CNTNAP5: variants seen among roughly 807,000 people sequenced by gnomAD.
The protein encoded by CNTNAP5 is contactin-associated protein-like 5.
CNTNAP5 carries 72 observed loss-of-function variants against 150.2 expected under a neutral mutation model. That is an observed-to-expected ratio of 0.48 (90% CI 0.40 to 0.58). CNTNAP5 has a LOEUF of 0.58. Among genes scored for constraint, CNTNAP5 ranks in the 20% least tolerant of loss-of-function variants. The pLI, the probability that CNTNAP5 is intolerant of heterozygous loss-of-function variation, is 0.00. For missense variants in CNTNAP5, 1,636 were observed against 1,626.2 expected, an observed-to-expected ratio of 1.01 and a Z score of -0.10; for synonymous variants, 672 against 619.8, an observed-to-expected ratio of 1.08 and a Z score of -1.25.
chr2:124,598,846 G>C (rs1558698230), intron 11 of CNTNAP5, among the ~76,000 whole-genome samples: 1 of 152,162 alleles, frequency 6.6e-6, no homozygotes, highest in Non-Finnish European at 1.5e-5. Flanking sequence ...TAGTCTTGTG[G>C]TGCGCCGTTT....
chr2:124,650,127 G>T (rs138739357), intron 13 of CNTNAP5, among the ~76,000 whole-genome samples: 3 of 152,148 alleles, frequency 2.0e-5, no homozygotes, highest in Non-Finnish European at 4.4e-5. Context: ...GTGCATGAGG[G>T]TCTTCATTAA....
chr2:124,185,196 A>G (rs1373716358), intron 1 of CNTNAP5, among the ~76,000 whole-genome samples: 2 of 152,200 alleles, frequency 1.3e-5, no homozygotes, highest in African/African-American at 2.4e-5. Flanking sequence ...ATTTTCTACC[A>G]AAATGTTCAG....
intron 17 of CNTNAP5, among the ~76,000 whole-genome samples, chr2:124,776,278 G>A (rs1000710946): frequency 1.4e-5 from 2 of 148,058 alleles, no homozygotes; most frequent in African/African-American, 2.6e-5. Context: ...TTTTTCCCAT[G>A]GGCCTATTTT....
At chr2:124,111,109 C>G (rs1375424477) in intron 1 of CNTNAP5, among the ~76,000 whole-genome samples, 1 of 151,982 alleles carries the variant, frequency 6.6e-6, no homozygotes, top group South Asian at 2.1e-4. Flanking sequence ...TTAACTAAAC[C>G]CTTGATCAGA....
At chr2:124,797,970 T>C in intron 18 of CNTNAP5, 126 bp from the exon 19 acceptor site, 1 of 642,614 alleles carries the variant, frequency 1.6e-6, no homozygotes, top group Non-Finnish European at 2.7e-6. Context: ...GGGGAACATG[T>C]TGTCTGATGC....
chr2:124,817,833 G>A (rs1682397790), intron 19 of CNTNAP5, among the ~76,000 whole-genome samples: 1 of 152,148 alleles, frequency 6.6e-6, no homozygotes, highest in Non-Finnish European at 1.5e-5. Flanking sequence ...TGGAGAGCAG[G>A]CAGTGGTGGG....
chr2:124,768,533 C>G (rs1171941213), intron 16 of CNTNAP5, among the ~76,000 whole-genome samples: 1 of 152,078 alleles, frequency 6.6e-6, no homozygotes, highest in Non-Finnish European at 1.5e-5. Context: ...AGACACTATA[C>G]AATTCTTTAC....
At chr2:124,075,071 T>G (rs1682406310) in intron 1 of CNTNAP5, among the ~76,000 whole-genome samples, 1 of 152,100 alleles carries the variant, frequency 6.6e-6, no homozygotes, top group South Asian at 2.1e-4. Flanking sequence ...AAAATGTACT[T>G]TTTTTACAAT....
intron 3 of CNTNAP5, among the ~76,000 whole-genome samples, chr2:124,257,525 CG>C (rs1169404306): frequency 6.6e-6 from 1 of 152,054 alleles, no homozygotes; most frequent in Non-Finnish European, 1.5e-5. Context: ...TTGACACATA[CG>C]TCTCCACCTT....
At chr2:124,878,031 A>G (rs2104734615) in intron 21 of CNTNAP5, among the ~76,000 whole-genome samples, 1 of 152,216 alleles carries the variant, frequency 6.6e-6, no homozygotes, top group African/African-American at 2.4e-5. Context: ...ATAACCAGTA[A>G]GTGTCTGGAT....
intron 6 of CNTNAP5, among the ~76,000 whole-genome samples, chr2:124,458,857 C>T (rs1262860503): frequency 6.6e-6 from 1 of 152,068 alleles, no homozygotes; most frequent in Admixed American, 6.6e-5. Flanking sequence ...AAAAGAAATG[C>T]TAATCCATGC....
At chr2:124,185,250 G>C (rs1529298) in intron 1 of CNTNAP5, among the ~76,000 whole-genome samples, 33,924 of 151,900 alleles carry the variant, frequency 0.22, 4,041 homozygotes, top group African/African-American at 0.3. Context: ...CAGCATTACT[G>C]AGCCCTGCAC....
chr2:124,449,524 T>G (rs2104809084), intron 6 of CNTNAP5, among the ~76,000 whole-genome samples: 1 of 152,312 alleles, frequency 6.6e-6, no homozygotes, highest in South Asian at 2.1e-4. Context: ...TCTGCTTATC[T>G]TTTGTCTCTT....
intron 17 of CNTNAP5, among the ~76,000 whole-genome samples, chr2:124,773,623 C>T (rs1681253237): frequency 6.6e-6 from 1 of 152,110 alleles, no homozygotes; most frequent in Admixed American, 6.6e-5. Context: ...ATCCAGGCAT[C>T]CTTCTTTAGT....
At chr2:124,259,941 C>T (rs1687409437) in intron 3 of CNTNAP5, among the ~76,000 whole-genome samples, 1 of 152,100 alleles carries the variant, frequency 6.6e-6, no homozygotes, top group Admixed American at 6.6e-5. Flanking sequence ...GCCATACTGC[C>T]CAAGGTAATT....
chr2:124,302,162 T>C (rs993316445), intron 3 of CNTNAP5, among the ~76,000 whole-genome samples: 1 of 152,196 alleles, frequency 6.6e-6, no homozygotes, highest in South Asian at 2.1e-4. Context: ...TCTCCAGAAC[T>C]GAGAAAACAA....
At chr2:124,074,610 C>T (rs573824894) in intron 1 of CNTNAP5, among the ~76,000 whole-genome samples, 1 of 152,144 alleles carries the variant, frequency 6.6e-6, no homozygotes, top group Non-Finnish European at 1.5e-5. Flanking sequence ...GAACCCTTGC[C>T]CTCTCCCTTT....
chr2:124,255,005 TG>T (rs1687271915), intron 3 of CNTNAP5, among the ~76,000 whole-genome samples: 1 of 152,166 alleles, frequency 6.6e-6, no homozygotes, highest in African/African-American at 2.4e-5. Context: ...CAGCAGAGTT[TG>T]TACAAAGCTG....
At chr2:124,194,564 T>C (rs1244420700) in intron 1 of CNTNAP5, among the ~76,000 whole-genome samples, 1 of 150,952 alleles carries the variant, frequency 6.6e-6, no homozygotes, top group Admixed American at 6.6e-5. Flanking sequence ...TGAAAATGGT[T>C]TACTTCCAAT....
Sources: gnomAD v4.1 joint callset for allele counts (sites outside exome capture counted in the v4.1 genomes callset) on GRCh38, gnomAD v4.1.1 for gene constraint, MANE v1.5 for transcripts, NCBI Gene and HGNC (gene_info 2026-07-23, HGNC 2026-07-21) for gene names.